The following PLPPR4 variants were observed in gnomAD, a reference collection of about 807,000 sequenced individuals.
The protein encoded by PLPPR4 is phospholipid phosphatase-related protein type 4.
PLPPR4 carries 24 observed loss-of-function variants against 56.6 expected under a neutral mutation model. That is an observed-to-expected ratio of 0.42 (90% CI 0.31 to 0.60). The LOEUF is 0.60. Ranked by LOEUF, PLPPR4 falls within the 20% of genes least tolerant of loss-of-function variation. The probability of loss-of-function intolerance (pLI) is 0.13; values close to 1 mark genes in which losing one functional copy is unlikely to be tolerated. For synonymous variants in PLPPR4, 326 were observed against 328.1 expected, an observed-to-expected ratio of 0.99 and a Z score of 0.07; for missense variants, 654 against 885.8, an observed-to-expected ratio of 0.74 and a Z score of 3.32.
Position 99,288,033 on chromosome 1 carries a change from G to A in PLPPR4, c.147G>A (p.Val49=), listed in dbSNP as rs150086325. 9.9e-6 allele frequency: 16 copies of A among 1,613,758 alleles called. No individual in the cohort carries two copies. The African/African-American group carries it at 2.0e-4, about 20-fold the overall frequency. ...AACTCACAGATGTCTTCAAACCTGT[G>A]CACTCTGGATTTAGCTGCTATGACC... ...FLELTDVFKP[V]HSGFSCYDRS... The change falls in exon 2 of 7, where the codon GTG becomes GTA. Residue 49 remains valine, a synonymous_variant. Coordinates refer to ENST00000370185, the MANE Select transcript of PLPPR4 (RefSeq NM_014839.5).
In PLPPR4 at chr1:99,288,479, T is replaced by G. The variant is rs577729981; in HGVS notation, c.264+329T>G. ...CTTCCTAATTAACTTACTTTACATG[T>G]GTTTATTTAGTATCTGAAGCCTGAA... On this transcript the variant is annotated intron_variant, in intron 2 of 6. Coordinates refer to ENST00000370185, the MANE Select transcript of PLPPR4 (RefSeq NM_014839.5). Among the ~76,000 whole-genome samples, 258 of 150,374 alleles carry G rather than the reference T, an allele frequency of 1.7e-3. 2 individuals carry two copies. Among genetic ancestry groups the G allele is most frequent in the Admixed American group, 3.7e-3 (55 of 14,732 alleles).
chr1:99,305,089 CCCCAATCTGGCGATGGTTTTTG>C (rs1557783806), intron 6 of PLPPR4, among the ~76,000 whole-genome samples: 1 of 152,084 alleles, frequency 6.6e-6, no homozygotes, highest in Non-Finnish European at 1.5e-5. Flanking sequence ...AATCTAGGTG[CCCCAATCTGGCGATGGTTTTTG>C]CCCTGTCTTC....
intron 1 of PLPPR4, among the ~76,000 whole-genome samples, chr1:99,282,220 T>G (rs1033290394): frequency 3.3e-5 from 5 of 152,186 alleles, no homozygotes; most frequent in African/African-American, 1.2e-4. Flanking sequence ...TCAAACCCCA[T>G]CTTTGAAATC....
Position 99,307,687 on chromosome 1 carries a change from C to T in PLPPR4, c.*677C>T, listed in dbSNP as rs925146392. The T allele has an allele frequency of 3.3e-5, 5 of 152,142 alleles. No individual in the cohort carries two copies. Among genetic ancestry groups the T allele is most frequent in the African/African-American group, 1.2e-4 (5 of 41,442 alleles). 9.4% of individuals were successfully genotyped at this position (152,142 alleles called of 1,614,324 possible). A position where few individuals can be genotyped will look rare whatever the true frequency, so the allele number is the denominator to read the frequency against. ...TTCAAAATTCTGCTTTCTTCAACAT[C>T]AAAAATTGTGTAGAAATATTTTCAG... On this transcript the variant is annotated 3_prime_UTR_variant, in exon 7 of 7. Coordinates refer to ENST00000370185, the MANE Select transcript of PLPPR4 (RefSeq NM_014839.5).
chr1:99,282,249 T>C (rs1013055601), intron 1 of PLPPR4, among the ~76,000 whole-genome samples: 4 of 152,204 alleles, frequency 2.6e-5, no homozygotes, highest in Non-Finnish European at 5.9e-5. Context: ...TTGTTTTATC[T>C]TCTTCATTGA....
chr1:99,289,614 T>C (rs1659564494), intron 2 of PLPPR4, among the ~76,000 whole-genome samples: 1 of 152,110 alleles, frequency 6.6e-6, no homozygotes, highest in African/African-American at 2.4e-5. Flanking sequence ...TATTTTCCTA[T>C]TATTTACTGA....
chr1:99,301,705 C>A lies in PLPPR4; in HGVS notation c.649-19C>A. The A allele has an allele frequency of 6.3e-7, 1 of 1,579,706 alleles. No homozygotes were observed. Among genetic ancestry groups the A allele is most frequent in the Non-Finnish European group, 8.6e-7 (1 of 1,157,964 alleles). ...AATGGCCTTTCTAACATACTTAACC[C>A]ATTTCTTCCATTTTTAAGATGTACT... is the stretch of plus-strand genomic sequence containing the variant. On this transcript the variant is annotated intron_variant, in intron 5 of 6. Coordinates refer to ENST00000370185, the MANE Select transcript of PLPPR4 (RefSeq NM_014839.5).
At chr1:99,282,861 T>G (rs1461602001) in intron 1 of PLPPR4, among the ~76,000 whole-genome samples, 2 of 151,398 alleles carry the variant, frequency 1.3e-5, no homozygotes, top group East Asian at 3.9e-4. Flanking sequence ...AGATCTAAAA[T>G]GGGAATTCAG....
intron 4 of PLPPR4, among the ~76,000 whole-genome samples, chr1:99,300,013 G>A (rs1029841743): frequency 1.3e-5 from 2 of 151,830 alleles, no homozygotes; most frequent in Non-Finnish European, 2.9e-5. Flanking sequence ...AAGTTAATAG[G>A]TACACCTGAA....
At chr1:99,268,235 G>A (rs1395362228) in intron 1 of PLPPR4, among the ~76,000 whole-genome samples, 1 of 152,254 alleles carries the variant, frequency 6.6e-6, no homozygotes, top group African/African-American at 2.4e-5. Flanking sequence ...CAACAGATCA[G>A]CTTCCTCAGC....
intron 4 of PLPPR4, 149 bp downstream of exon 4, chr1:99,299,379 A>C: frequency 1.5e-6 from 1 of 648,840 alleles, no homozygotes; most frequent in Non-Finnish European, 2.6e-6. Flanking sequence ...TTACTAAACC[A>C]TAGAAACTCA....
chr1:99,307,146 A>C lies in PLPPR4; in HGVS notation c.*136A>C. On this transcript the variant is annotated 3_prime_UTR_variant, in exon 7 of 7. Transcript: ENST00000370185. The stretch of plus-strand genomic sequence containing the variant: ...AGCCCAGAACTCTGTAACTTTTCAG[A>C]ACTGCTATACTCAAACTTGCAGATC... 9.5e-7 allele frequency: 1 copy of C among 1,056,382 alleles called. No homozygotes were observed. The highest frequency in any genetic ancestry group is 1.4e-6 in the Non-Finnish European group (1 of 732,260). 65.4% of individuals were successfully genotyped at this position (1,056,382 alleles called of 1,614,324 possible).
intron 1 of PLPPR4, among the ~76,000 whole-genome samples, chr1:99,278,896 T>G (rs1481488848): frequency 2.0e-5 from 3 of 152,374 alleles, no homozygotes; most frequent in Admixed American, 1.3e-4. Context: ...TCTTCTCTAT[T>G]AATTATCATT....
At position 99,307,131 on chromosome 1, in the gene PLPPR4, T is replaced by G. The variant is rs1288651191; in HGVS notation, c.*121T>G. ...AGATTGTCTACCATCAGCCCAGAAC[T>G]CTGTAACTTTTCAGAACTGCTATAC... On this transcript the variant is annotated 3_prime_UTR_variant, in exon 7 of 7. Transcript: ENST00000370185. 1 of 1,261,264 alleles carries G rather than the reference T, an allele frequency of 7.9e-7. No homozygotes were observed. The highest frequency in any genetic ancestry group is 1.1e-6 in the Non-Finnish European group (1 of 918,736). The allele number at this position is 1,261,264 out of a possible 1,614,324, so 78.1% of individuals were successfully genotyped here. A position where few individuals can be genotyped will look rare whatever the true frequency, so the allele number is the denominator to read the frequency against.
intron 2 of PLPPR4, among the ~76,000 whole-genome samples, chr1:99,292,830 C>T (rs974730157): frequency 3.3e-5 from 5 of 151,650 alleles, no homozygotes; most frequent in African/African-American, 9.7e-5. Flanking sequence ...TACATTTTCT[C>T]AGCAGTGATC....
chr1:99,280,247 TTTGTGGCTG>T (rs1337942747), intron 1 of PLPPR4, among the ~76,000 whole-genome samples: 2 of 152,214 alleles, frequency 1.3e-5, no homozygotes, highest in African/African-American at 4.8e-5. Context: ...ATTTGGGGGC[TTTGTGGCTG>T]TTGCACAATT....
intron 6 of PLPPR4, among the ~76,000 whole-genome samples, chr1:99,305,301 T>C (rs537614804): frequency 3.2e-4 from 48 of 152,186 alleles, no homozygotes; most frequent in Non-Finnish European, 5.3e-4. Context: ...GTAAAATAAA[T>C]CATTTAAGCC....
chr1:99,263,852 A>G (rs1464650984), upstream of PLPPR4: 3 of 152,402 alleles, frequency 2.0e-5, no homozygotes, highest in Non-Finnish European at 2.9e-5. Context: ...CTCTGGATGC[A>G]AGGAACCCAC....
chr1:99,268,514 A>G (rs6679820), intron 1 of PLPPR4, among the ~76,000 whole-genome samples: 1,651 of 152,370 alleles, frequency 0.011, 22 homozygotes, highest in African/African-American at 0.034. Context: ...ATGTTAAAGC[A>G]CACATTAGTT....
Sources: allele counts gnomAD v4.1 joint callset (sites outside exome capture counted in the v4.1 genomes callset), GRCh38; gene constraint gnomAD v4.1.1; transcripts MANE v1.5; gene names NCBI Gene and HGNC (gene_info 2026-07-23, HGNC 2026-07-21).